RNF103: variants seen among roughly 807,000 people sequenced by gnomAD.
RNF103 encodes the protein E3 ubiquitin-protein ligase RNF103.
RNF103 carries 23 observed loss-of-function variants against 66.2 expected under a neutral mutation model. That is an observed-to-expected ratio of 0.35 (90% CI 0.25 to 0.49). RNF103 has a LOEUF of 0.49. RNF103 is among the 20% of genes least tolerant of loss of function. The probability of loss-of-function intolerance (pLI) is 0.98; values close to 1 mark genes in which losing one functional copy is unlikely to be tolerated. For synonymous variants in RNF103, 297 were observed against 289.9 expected (o/e 1.02, Z -0.25); for missense variants, 730 against 814.7 (o/e 0.90, Z 1.27).
intron 2 of RNF103, chr2:86,618,028 C>G (rs932457816): frequency 2.4e-5 from 11 of 455,786 alleles, no homozygotes; most frequent in Non-Finnish European, 4.8e-5. Context: ...AAAAATTAAG[C>G]AGGTGTCCTA....
chr2:86,610,505 G>A (rs978626922), intron 3 of RNF103, among the ~76,000 whole-genome samples: 5 of 151,966 alleles, frequency 3.3e-5, no homozygotes, highest in East Asian at 1.9e-4. Context: ...AGTTTTTCAC[G>A]TTTAACAGAT....
chr2:86,617,601 C>T (rs1679071554), intron 2 of RNF103: 1 of 924,582 alleles, frequency 1.1e-6, no homozygotes. Flanking sequence ...TCTTGGAACG[C>T]ATCCCCCTCA....
chr2:86,615,519 C>CA (rs1573364862), intron 2 of RNF103, among the ~76,000 whole-genome samples: 1 of 95,982 alleles, frequency 1.0e-5, no homozygotes, highest in Admixed American at 1.2e-4. Flanking sequence ...ATACATATGC[C>CA]TTATATATAT....
chr2:86,613,762 G>C (rs1270207002), intron 2 of RNF103: 1 of 152,140 alleles, frequency 6.6e-6, no homozygotes, highest in African/African-American at 2.4e-5. Context: ...AGCACATTGT[G>C]ATGACAAGTG....
chr2:86,606,779 T>C (rs1250080482), intron 3 of RNF103, among the ~76,000 whole-genome samples: 1 of 152,056 alleles, frequency 6.6e-6, no homozygotes, highest in Non-Finnish European at 1.5e-5. Flanking sequence ...TTTTTAGTTA[T>C]TTTATTTTTA....
At chr2:86,607,048 A>C (rs1678596162) in intron 3 of RNF103, among the ~76,000 whole-genome samples, 1 of 152,112 alleles carries the variant, frequency 6.6e-6, no homozygotes, top group African/African-American at 2.4e-5. Context: ...CAGAAGAGTT[A>C]ATCTTTTGTT....
chr2:86,621,675 A>T (rs561407075), intron 1 of RNF103, among the ~76,000 whole-genome samples: 1 of 151,162 alleles, frequency 6.6e-6, no homozygotes, highest in South Asian at 2.1e-4. Context: ...TCTATAAGGT[A>T]CTAAAGAAGG....
Position 86,620,418 on chromosome 2 carries a change from G to T in RNF103, c.278C>A (p.Ser93Tyr). The T allele has an allele frequency of 6.2e-7, 1 of 1,605,214 alleles. No individual in the cohort carries two copies. Residue 93 changes from serine (S) to tyrosine (Y), a missense_variant, in exon 2 of 4, where the codon TCC becomes TAC. By Grantham distance (144) the Ser-to-Tyr change is moderately radical. Transcript: ENST00000237455. ...LYSALKEEEA[S>Y]ESVSSTNFSG... is the part of the protein sequence containing the mutation. ...GAAATTGGTACTAGAAACCGATTCG[G>T]ATGCTTCTTCTTCCTTGAGAGCAGA... is the stretch of plus-strand genomic sequence containing the variant.
intron 3 of RNF103, among the ~76,000 whole-genome samples, chr2:86,610,027 A>G (rs1678729924): frequency 6.6e-6 from 1 of 152,228 alleles, no homozygotes; most frequent in Non-Finnish European, 1.5e-5. Context: ...TCATCAAAAG[A>G]AAAGAAAAAT....
intron 2 of RNF103, chr2:86,618,083 T>C: frequency 2.3e-6 from 1 of 433,676 alleles, no homozygotes; most frequent in South Asian, 1.6e-5. Flanking sequence ...ATACATTCTA[T>C]TTTTAAAGAG....
chr2:86,617,418 A>T (rs1217869876), intron 2 of RNF103: 4 of 553,948 alleles, frequency 7.2e-6, no homozygotes, highest in South Asian at 8.0e-5. Flanking sequence ...GAGACACCAC[A>T]TTTACATAAA....
intron 2 of RNF103, chr2:86,616,951 T>C (rs1470882898): frequency 2.0e-6 from 2 of 985,420 alleles, no homozygotes; most frequent in Non-Finnish European, 2.4e-6. Context: ...CATCTTCTAT[T>C]TGTAATGCTA....
chr2:86,604,284 C>A lies in RNF103; in HGVS notation c.1617G>T (p.Ser539=). The change falls in exon 4 of 4, where the codon TCG becomes TCT. Residue 539 remains serine (S), a synonymous_variant. Transcript: ENST00000237455. ...SEGSQDTEND[S]ESENTDTLSS... is the part of the protein sequence containing the mutation. ...TCAAAGTGTCTGTGTTCTCACTTTC[C>A]GAGTCATTTTCAGTATCTTGAGACC... 1 of 1,614,156 alleles carries A rather than the reference C, an allele frequency of 6.2e-7. No individual in the cohort carries two copies. The highest frequency in any genetic ancestry group is 8.5e-7 in the Non-Finnish European group (1 of 1,180,026).
Position 86,623,386 on chromosome 2 carries a change from C to T in RNF103, c.-500G>A. 1.0e-6 allele frequency: 1 copy of T among 979,698 alleles called. No homozygotes were observed. Among genetic ancestry groups the T allele is most frequent in the Non-Finnish European group, 1.2e-6 (1 of 826,246 alleles). 60.7% of individuals were successfully genotyped at this position (979,698 alleles called of 1,614,324 possible). A position where few individuals can be genotyped will look rare whatever the true frequency, so the allele number is the denominator to read the frequency against. On this transcript the variant is annotated 5_prime_UTR_variant, in exon 1 of 4. Transcript: ENST00000237455. ...CCCGAGGGGCCGTGGGGGCCGGACT[C>T]CCGCGGCCGCGGGTCAGGAGGGCGC... is the stretch of plus-strand genomic sequence containing the variant.
rs1299450485 is a variant in RNF103, at chr2:86,623,794, C to A, written c.-908G>T. ...GCACCCGTCCCCAACACCCCCGCCA[C>A]CTCCGGAGACCGCGGCCGTACCCTC... On this transcript the variant is annotated 5_prime_UTR_variant, in exon 1 of 4. Coordinates refer to ENST00000237455, the MANE Select transcript of RNF103 (RefSeq NM_005667.4). 3.1e-6 allele frequency: 4 copies of A among 1,282,790 alleles called. No homozygotes were observed. The East Asian group carries it at 2.3e-4, about 75-fold the overall frequency. 79.5% of individuals were successfully genotyped at this position (1,282,790 alleles called of 1,614,324 possible). A position where few individuals can be genotyped will look rare whatever the true frequency, so the allele number is the denominator to read the frequency against.
At chr2:86,616,947 C>T in intron 2 of RNF103, 1 of 985,394 alleles carries the variant, frequency 1.0e-6, no homozygotes, top group Non-Finnish European at 1.2e-6. Context: ...TAACCATCTT[C>T]TATTTGTAAT....
chr2:86,620,267 T>A (rs1679177282), intron 2 of RNF103, 63 bp downstream of exon 2: 2 of 1,513,102 alleles, frequency 1.3e-6, no homozygotes, highest in Non-Finnish European at 8.9e-7. Flanking sequence ...TGGTACATAC[T>A]ATTTTGGTAA....
At chr2:86,610,701 A>T (rs1312433100) in intron 3 of RNF103, among the ~76,000 whole-genome samples, 1 of 152,222 alleles carries the variant, frequency 6.6e-6, no homozygotes, top group Non-Finnish European at 1.5e-5. Context: ...GTATTTTAAA[A>T]GAAAATAGTG....
intron 3 of RNF103, among the ~76,000 whole-genome samples, chr2:86,606,135 G>A (rs1216049062): frequency 6.6e-6 from 1 of 152,136 alleles, no homozygotes; most frequent in East Asian, 1.9e-4. Flanking sequence ...TATTTAACAA[G>A]AGGAAACAAA....
Sources: allele counts gnomAD v4.1 joint callset (sites outside exome capture counted in the v4.1 genomes callset), GRCh38; gene constraint gnomAD v4.1.1; transcripts MANE v1.5; gene names NCBI Gene and HGNC (gene_info 2026-07-23, HGNC 2026-07-21).